ACOX3: variants seen among roughly 807,000 people sequenced by gnomAD.
The protein encoded by ACOX3 is peroxisomal acyl-coenzyme A oxidase 3.
ACOX3 carries 73 observed loss-of-function variants against 81.5 expected under a neutral mutation model. The ratio of observed to expected loss-of-function variants is 0.90; its 90% CI spans 0.74 to 1.09. The LOEUF (loss-of-function observed/expected upper bound fraction) is 1.09, where lower values mean the gene tolerates loss of function less well. Ranked by LOEUF, ACOX3 falls within the 50% of genes least tolerant of loss-of-function variation. The pLI is 0.00. For missense variants in ACOX3, 947 were observed against 928.0 expected (o/e 1.02, Z -0.27); for synonymous variants, 387 against 375.1 (o/e 1.03, Z -0.37).
In ACOX3 at chr4:8,382,627, G is replaced by A. The variant is rs1034501453; in HGVS notation, c.1538-1020C>T. ...AATGGGGATCAGCCACACTGAGTCT[G>A]AGCCCAAAGGCTGAACTCAGTGGGG... is the stretch of plus-strand genomic sequence containing the variant. On this transcript the variant is annotated intron_variant, in intron 13 of 17. Coordinates refer to ENST00000356406, the MANE Select transcript of ACOX3 (RefSeq NM_003501.3). The surrounding 1 kb of genome is among the most constrained non-coding windows in gnomAD (Gnocchi z 4.1). 6.6e-6 allele frequency among the ~76,000 whole-genome samples: 1 copy of A among 152,224 alleles called. No homozygotes were observed. Among genetic ancestry groups the A allele is most frequent in the African/African-American group, 2.4e-5 (1 of 41,468 alleles).
chr4:8,438,963 AAAC>A (rs1226227538), intron 1 of ACOX3: 1 of 152,222 alleles, frequency 6.6e-6, no homozygotes, highest in Admixed American at 6.5e-5. Flanking sequence ...AAGCTTGAAG[AAAC>A]AACAAGCCCG....
rs1314151118 is a variant in ACOX3, at chr4:8,400,582, A to T, written c.777-930T>A. On this transcript the variant is annotated intron_variant, in intron 7 of 17. Transcript: ENST00000356406. This position sits in a 1 kb window ranked among gnomAD's most constrained non-coding sequence, Gnocchi z 4.4. ...TCATGATGTATTAATAACCAAAGAT[A>T]CCTGTTATGGTTGTCTGGTCAGGAA... 6.6e-6 allele frequency among the ~76,000 whole-genome samples: 1 copy of T among 152,214 alleles called. No homozygotes were observed. The highest frequency in any genetic ancestry group is 1.5e-5 in the Non-Finnish European group (1 of 68,050).
At chr4:8,377,374 G>T (rs917519349) in intron 14 of ACOX3, among the ~76,000 whole-genome samples, 2 of 152,182 alleles carry the variant, frequency 1.3e-5, no homozygotes, top group South Asian at 2.1e-4. Context: ...TGCTGCGGGG[G>T]CCAGAAAGAC....
chr4:8,372,455 C>T (rs1335223804), intron 16 of ACOX3, among the ~76,000 whole-genome samples: 5 of 152,138 alleles, frequency 3.3e-5, no homozygotes, highest in South Asian at 2.1e-4. Context: ...AGGAGACCCC[C>T]GTGCTTTCCT....
At chr4:8,417,548 C>T (rs1313931918) in intron 1 of ACOX3, among the ~76,000 whole-genome samples, 6 of 152,370 alleles carry the variant, frequency 3.9e-5, no homozygotes, top group East Asian at 3.9e-4. Flanking sequence ...AAACCCCCTC[C>T]GCTGAGAAGT....
At chr4:8,356,253 A>G in the ACOX3 span, 2 of 338,762 alleles carry the variant, frequency 5.9e-6, no homozygotes, top group East Asian at 1.5e-4. Context: ...GTGTCCATCC[A>G]GGAGCCTGCC....
chr4:8,388,154 GGCT>G (rs1480791195), intron 13 of ACOX3, among the ~76,000 whole-genome samples: 1 of 151,912 alleles, frequency 6.6e-6, no homozygotes, highest in Non-Finnish European at 1.5e-5. Context: ...GGGTCCCCAT[GGCT>G]GCCCCCGCCT....
At chr4:8,356,915 C>T in the ACOX3 span, 3 of 456,058 alleles carry the variant, frequency 6.6e-6, no homozygotes, top group East Asian at 7.0e-5. Context: ...ACAGTGCACA[C>T]TAACATGATC....
Position 8,373,648 on chromosome 4 carries a change from C to T in ACOX3, c.1829-20G>A, listed in dbSNP as rs765541023. ...ATCCTCCTGCAAGCACAGCCTCGGT[C>T]ACATGGGGGCTGGGTCCAGTCCAAA... On this transcript the variant is annotated intron_variant, in intron 15 of 17. Coordinates refer to ENST00000356406, the MANE Select transcript of ACOX3 (RefSeq NM_003501.3). 1.9e-6 allele frequency: 3 copies of T among 1,605,976 alleles called. No individual in the cohort carries two copies. Among genetic ancestry groups the T allele is most frequent in the Non-Finnish European group, 2.6e-6 (3 of 1,176,338 alleles).
At chr4:8,379,616 G>C (rs1423630358) in intron 14 of ACOX3, among the ~76,000 whole-genome samples, 1 of 152,174 alleles carries the variant, frequency 6.6e-6, no homozygotes, top group Admixed American at 6.5e-5. Context: ...GTGTTGTGGG[G>C]TCACACATGC....
downstream of ACOX3, among the ~76,000 whole-genome samples, chr4:8,362,582 C>T (rs1305406468): frequency 6.6e-6 from 1 of 152,232 alleles, no homozygotes; most frequent in Non-Finnish European, 1.5e-5. Context: ...GAATGGGATG[C>T]TTTGCATTAA....
Position 8,385,462 on chromosome 4 carries a change from C to A in ACOX3, c.1537+3711G>T, listed in dbSNP as rs745781522. Among the ~76,000 whole-genome samples, 4 of 152,260 alleles carry A rather than the reference C, an allele frequency of 2.6e-5. No homozygotes were observed. The highest frequency in any genetic ancestry group is 4.4e-5 in the Non-Finnish European group (3 of 68,048). ...TGACCTTGCAGTCCACAAATACACA[C>A]GTGTCCGAGTAGTGAACACTGCAAC... On this transcript the variant is annotated intron_variant, in intron 13 of 17. Transcript: ENST00000356406. The surrounding 1 kb of genome is among the most constrained non-coding windows in gnomAD (Gnocchi z 5.5).
chr4:8,396,070 T>C (rs769020621), intron 9 of ACOX3, among the ~76,000 whole-genome samples: 2 of 152,224 alleles, frequency 1.3e-5, no homozygotes, highest in African/African-American at 4.8e-5. Context: ...CCCTTCCATG[T>C]AACAATGTCT....
In ACOX3 at chr4:8,385,561, G is replaced by T. The variant is rs1227734935; in HGVS notation, c.1537+3612C>A. On this transcript the variant is annotated intron_variant, in intron 13 of 17. Coordinates refer to ENST00000356406, the MANE Select transcript of ACOX3 (RefSeq NM_003501.3). This position sits in a 1 kb window ranked among gnomAD's most constrained non-coding sequence, Gnocchi z 5.5. ...AGGAAGCAACAGCACAGGCCCCCAA[G>T]GCACAGGGCTGTGACACTCAGCTCA... is the stretch of plus-strand genomic sequence containing the variant. Among the ~76,000 whole-genome samples the T allele has an allele frequency of 6.6e-6, 1 of 152,330 alleles. No individual in the cohort carries two copies. Among genetic ancestry groups the T allele is most frequent in the Middle Eastern group, 3.4e-3 (1 of 294 alleles).
intron 1 of ACOX3, chr4:8,428,252 T>C (rs1046033960): frequency 6.6e-6 from 1 of 151,048 alleles, no homozygotes; most frequent in African/African-American, 2.5e-5. Context: ...GCACTTTCAG[T>C]GCCCCCGCTC....
rs1295537441 is a variant in ACOX3 at position 8,368,702 on chromosome 4, C to T, written c.1984-1622G>A. Among the ~76,000 whole-genome samples the T allele has an allele frequency of 6.6e-6, 1 of 151,982 alleles. No homozygotes were observed. The highest frequency in any genetic ancestry group is 1.5e-5 in the Non-Finnish European group (1 of 68,010). On this transcript the variant is annotated intron_variant, in intron 17 of 17. Transcript: ENST00000356406. The surrounding 1 kb of genome is among the most constrained non-coding windows in gnomAD (Gnocchi z 5.9). ...CACCTGGCAGCTCCTGGTTAATACACCAGTTCCTTGCAACTGGAAGGAATG... is the reference window on the plus strand; with the variant it reads ...CACCTGGCAGCTCCTGGTTAATACATCAGTTCCTTGCAACTGGAAGGAATG...
rs1460270702 is a variant in ACOX3 at position 8,366,986 on chromosome 4, A to G, written c.2078T>C (p.Ile693Thr). Residue 693 changes from isoleucine (I) to threonine (T), a missense_variant, in exon 18 of 18, where the codon ATA (isoleucine) becomes ACA (threonine). Coordinates refer to ENST00000356406, the MANE Select transcript of ACOX3 (RefSeq NM_003501.3). ...CTAGAGCTTCGATTTCAGACTTCCT[A>G]TGACAGGTTTGTTCACAGAAAACTC... The part of the protein sequence containing the change: ...WPEFSVNKPV[I>T]GSLKSKL 6 of 1,613,952 alleles carry G rather than the reference A, an allele frequency of 3.7e-6. No individual in the cohort carries two copies. Among genetic ancestry groups the G allele is most frequent in the Non-Finnish European group, 5.1e-6 (6 of 1,179,984 alleles).
At chr4:8,403,638 C>T (rs993689959) in intron 7 of ACOX3, among the ~76,000 whole-genome samples, 5 of 152,100 alleles carry the variant, frequency 3.3e-5, no homozygotes, top group Non-Finnish European at 5.9e-5. Context: ...TATAGGAGAC[C>T]GTATTTCTGA....
chr4:8,403,011 A>C (rs1720539534), intron 7 of ACOX3, among the ~76,000 whole-genome samples: 1 of 152,172 alleles, frequency 6.6e-6, no homozygotes, highest in Admixed American at 6.6e-5. Context: ...GGGCAAACGC[A>C]CGAAGAAAGA....
Sources: allele counts gnomAD v4.1 joint callset (sites outside exome capture counted in the v4.1 genomes callset), GRCh38; gene constraint gnomAD v4.1.1; non-coding constraint Gnocchi (gnomAD v3.1); transcripts MANE v1.5; gene names NCBI Gene and HGNC (gene_info 2026-07-23, HGNC 2026-07-21).